The following PLCXD2 variants were observed in gnomAD, a reference collection of about 807,000 sequenced individuals.
The protein encoded by PLCXD2 is PI-PLC X domain-containing protein 2.
PLCXD2 carries 21 observed loss-of-function variants against 28.6 expected under a neutral mutation model. The observed-to-expected ratio is 0.73, with a 90% CI of 0.52 to 1.06. PLCXD2 has a LOEUF of 1.06. Among genes scored for constraint, PLCXD2 ranks in the 50% least tolerant of loss-of-function variants. The pLI is 0.00. For missense variants in PLCXD2, 369 were observed against 376.7 expected (o/e 0.98, Z 0.17); for synonymous variants, 140 against 150.1 (o/e 0.93, Z 0.49).
At chr3:111,715,007 C>G (rs1434168680) in intron 3 of PLCXD2, among the ~76,000 whole-genome samples, 2 of 152,104 alleles carry the variant, frequency 1.3e-5, no homozygotes, top group African/African-American at 4.8e-5. Flanking sequence ...AAGATTCATC[C>G]AAAAACATGT....
At chr3:111,686,734 ATAT>A (rs1188459998) in intron 1 of PLCXD2, among the ~76,000 whole-genome samples, 1 of 152,224 alleles carries the variant, frequency 6.6e-6, no homozygotes, top group Non-Finnish European at 1.5e-5. Context: ...CTCCAAAGAG[ATAT>A]TATTAGAATA....
intron 1 of PLCXD2, among the ~76,000 whole-genome samples, chr3:111,685,797 T>C (rs1368568158): frequency 6.6e-6 from 1 of 152,342 alleles, no homozygotes; most frequent in Admixed American, 6.5e-5. Context: ...TTCTTGTGAA[T>C]GAATTATCTA....
chr3:111,680,613 A>G (rs1209779265), intron 1 of PLCXD2, among the ~76,000 whole-genome samples: 3 of 152,216 alleles, frequency 2.0e-5, no homozygotes, highest in Non-Finnish European at 4.4e-5. Flanking sequence ...CACTCTTAAA[A>G]AGGCTCATCA....
intron 1 of PLCXD2, among the ~76,000 whole-genome samples, chr3:111,684,653 TAA>T (rs148866267): frequency 7.0e-6 from 1 of 142,088 alleles, no homozygotes. Context: ...AACTCCGTCT[TAA>T]AAAAAAAAAA....
At chr3:111,720,437 A>T (rs1446275568) in intron 3 of PLCXD2, among the ~76,000 whole-genome samples, 4 of 152,050 alleles carry the variant, frequency 2.6e-5, no homozygotes, top group African/African-American at 9.7e-5. Flanking sequence ...ACTGGGCCTG[A>T]TCTTAGTTTT....
chr3:111,708,514 A>G (rs542987107), intron 2 of PLCXD2, 128 bp downstream of exon 2: 2 of 858,412 alleles, frequency 2.3e-6, no homozygotes, highest in Non-Finnish European at 3.5e-6. Context: ...TTGGAATATT[A>G]AACATATGCA....
In PLCXD2 at chr3:111,714,068, C is replaced by G. The variant is rs1249589129; in HGVS notation, c.806C>G (p.Pro269Arg). The G allele has an allele frequency of 1.2e-6, 2 of 1,614,022 alleles. No homozygotes were observed. The highest frequency in any genetic ancestry group is 1.3e-5 in the African/African-American group (1 of 74,904). ...CATGTCTCCCAAGCGATCCTCACCC[C>G]CAGAGTGAAGACCATTGCCCGGGGC... is the stretch of plus-strand genomic sequence containing the variant. Residue 269 changes from proline to arginine, a missense_variant, in exon 3 of 5, where the codon CCC becomes CGC. Transcript: ENST00000477665.
chr3:111,679,914 A>G (rs926214672), intron 1 of PLCXD2, among the ~76,000 whole-genome samples: 2 of 151,810 alleles, frequency 1.3e-5, no homozygotes, highest in Admixed American at 1.3e-4. Flanking sequence ...CCTCTCCCAG[A>G]TCTCATTTCT....
At chr3:111,694,563 A>G (rs1344111659) in intron 1 of PLCXD2, among the ~76,000 whole-genome samples, 1 of 152,100 alleles carries the variant, frequency 6.6e-6, no homozygotes, top group Non-Finnish European at 1.5e-5. Flanking sequence ...TTTCCAAGCA[A>G]TATCTTAACA....
At chr3:111,707,816 A>G in intron 1 of PLCXD2, 110 bp from the exon 2 acceptor site, 1 of 992,098 alleles carries the variant, frequency 1.0e-6, no homozygotes, top group East Asian at 2.6e-5. Context: ...TTGCAGTTTT[A>G]GTATGTTATT....
Position 111,675,018 on chromosome 3 carries a change from G to T in PLCXD2, c.-228G>T. The T allele has an allele frequency of 1.8e-6, 1 of 540,834 alleles. No individual in the cohort carries two copies. The highest frequency in any genetic ancestry group is 3.3e-6 in the Non-Finnish European group (1 of 307,012). 33.5% of individuals were successfully genotyped at this position (540,834 alleles called of 1,614,324 possible). A position where few individuals can be genotyped will look rare whatever the true frequency, so the allele number is the denominator to read the frequency against. ...GGAACATAAGAAGTTTAACGGAGCT[G>T]GGACTGAGCAGATTAAGGGAGTGGA... On this transcript the variant is annotated 5_prime_UTR_variant, in exon 1 of 5. Transcript: ENST00000477665.
At chr3:111,717,670 C>T (rs949024590) in intron 3 of PLCXD2, among the ~76,000 whole-genome samples, 10 of 152,168 alleles carry the variant, frequency 6.6e-5, no homozygotes, top group Non-Finnish European at 7.4e-5. Context: ...GCTCTGGCTG[C>T]AGTGACTGGA....
At chr3:111,714,258 T>G (rs1941239092) in intron 3 of PLCXD2, 130 bp downstream of exon 3, 1 of 1,251,688 alleles carries the variant, frequency 8.0e-7, no homozygotes, top group African/African-American at 1.5e-5. Context: ...GCAAAAAACT[T>G]TGTATTCGAG....
intron 1 of PLCXD2, among the ~76,000 whole-genome samples, chr3:111,678,206 C>T (rs897218898): frequency 6.6e-6 from 1 of 152,188 alleles, no homozygotes; most frequent in African/African-American, 2.4e-5. Flanking sequence ...TCAACAGAGC[C>T]TTGATGTATT....
At chr3:111,710,774 C>T (rs1031709169) in intron 2 of PLCXD2, among the ~76,000 whole-genome samples, 1 of 152,068 alleles carries the variant, frequency 6.6e-6, no homozygotes, top group Non-Finnish European at 1.5e-5. Flanking sequence ...TTTGGGGATT[C>T]GGTTAAATTT....
intron 2 of PLCXD2, among the ~76,000 whole-genome samples, chr3:111,710,301 G>A (rs539075803): frequency 2.6e-5 from 4 of 152,336 alleles, no homozygotes; most frequent in East Asian, 3.9e-4. Flanking sequence ...ATCTGTTCAT[G>A]TCTAACTTGG....
At chr3:111,695,212 A>G (rs1005411780) in intron 1 of PLCXD2, among the ~76,000 whole-genome samples, 5 of 150,624 alleles carry the variant, frequency 3.3e-5, no homozygotes, top group African/African-American at 7.3e-5. Flanking sequence ...TAGAAATTCT[A>G]TGAAGATAGG....
intron 1 of PLCXD2, among the ~76,000 whole-genome samples, chr3:111,706,812 C>CAAAA (rs34217304): frequency 2.2e-4 from 25 of 115,050 alleles, no homozygotes; most frequent in African/African-American, 7.3e-4. Context: ...GACTTTAAGG[C>CAAAA]AAAAAAAAAA....
chr3:111,708,444 C>T lies in PLCXD2; in HGVS notation c.624+58C>T, dbSNP rs558426477. On this transcript the variant is annotated intron_variant, in intron 2 of 4. Transcript: ENST00000477665. The stretch of plus-strand genomic sequence containing the variant: ...CAAGAATTTAACTCTTCCTGCTTTT[C>T]CTGTATTGCCGTCTGTAAAATCACT... 3.3e-5 allele frequency: 48 copies of T among 1,469,320 alleles called. No individual in the cohort carries two copies. In the Admixed American group the frequency reaches 8.4e-4, roughly 26 times the overall value. The allele number at this position is 1,469,320 out of a possible 1,614,324, so 91.0% of individuals were successfully genotyped here.
Sources: allele counts gnomAD v4.1 joint callset (sites outside exome capture counted in the v4.1 genomes callset), GRCh38; gene constraint gnomAD v4.1.1; transcripts MANE v1.5; gene names NCBI Gene and HGNC (gene_info 2026-07-23, HGNC 2026-07-21).